Variants in ARHGAP8 observed in about 807,000 individuals in gnomAD.
ARHGAP8 encodes the protein Rho GTPase activating protein 8.
Under a neutral mutation model 46.1 loss-of-function variants are expected in ARHGAP8, and 62 were observed. The observed-to-expected ratio is 1.34, with a 90% CI of 1.10 to 1.66. The LOEUF (loss-of-function observed/expected upper bound fraction) is 1.66. Among genes scored for constraint, ARHGAP8 ranks in the 40% most tolerant of loss-of-function variants. The pLI, the probability that ARHGAP8 is intolerant of heterozygous loss-of-function variation, is 0.00. For synonymous variants in ARHGAP8, 375 were observed against 243.1 expected, an observed-to-expected ratio of 1.54 and a Z score of -5.05; for missense variants, 923 against 568.4, an observed-to-expected ratio of 1.62 and a Z score of -6.34.
chr22:44,862,547 G>A lies in ARHGAP8; in HGVS notation c.1254G>A (p.Lys418=), dbSNP rs200337395. 1.1e-5 allele frequency: 17 copies of A among 1,603,658 alleles called. No homozygotes were observed. In the South Asian group the frequency reaches 1.5e-4, roughly 15 times the overall value. Residue 418 remains lysine, a synonymous_variant, in exon 12 of 12, where the codon AAG becomes AAA. Transcript: ENST00000356099. ...GGACACAAGCCACGGGCCTCACCAA[G>A]CCTACCCTACCTCCGAGTCCCCTGA... is the stretch of plus-strand genomic sequence containing the variant. ...VPRTQATGLT[K]PTLPPSPLMA...
intron 10 of ARHGAP8, among the ~76,000 whole-genome samples, chr22:44,859,115 T>C (rs972026997): frequency 9.2e-5 from 14 of 152,158 alleles, no homozygotes; most frequent in Middle Eastern, 3.2e-3. Flanking sequence ...GATTCGGCTT[T>C]AGCAGCTTCC....
At chr22:44,823,086 G>A (rs1364112918) in intron 6 of ARHGAP8, among the ~76,000 whole-genome samples, 3 of 152,242 alleles carry the variant, frequency 2.0e-5, no homozygotes, top group African/African-American at 7.2e-5. Flanking sequence ...GCAGGCCCTT[G>A]CCAAAGTACG....
At chr22:44,822,270 G>T (rs1299971537) in intron 5 of ARHGAP8, 101 bp from the exon 6 acceptor site, 1 of 927,228 alleles carries the variant, frequency 1.1e-6, no homozygotes, top group Non-Finnish European at 1.6e-6. Context: ...TATGAAAAAT[G>T]CCTGCATTGT....
At chr22:44,816,146 C>T (rs1271095831) in intron 5 of ARHGAP8, among the ~76,000 whole-genome samples, 1 of 115,312 alleles carries the variant, frequency 8.7e-6, no homozygotes, top group African/African-American at 3.3e-5. Context: ...TCGGCTCCTT[C>T]CACTTGTTGA....
rs376762839 is a variant in ARHGAP8, at chr22:44,792,904, A to T, written c.79+6298A>T. On this transcript the variant is annotated intron_variant, in intron 2 of 11. Coordinates refer to ENST00000356099, the MANE Select transcript of ARHGAP8 (RefSeq NM_181335.3). ...AGTGGCGCAATCTCGGCTCACTGCA[A>T]CTTCTGCCTCCCAGGTTCAAGTGAT... Among the ~76,000 whole-genome samples, 300 of 151,850 alleles carry T rather than the reference A, an allele frequency of 2.0e-3. 2 individuals carry two copies. Among genetic ancestry groups the T allele is most frequent in the African/African-American group, 6.5e-3 (268 of 41,422 alleles).
At position 44,825,482 on chromosome 22, in the gene ARHGAP8, G is replaced by T. The variant is rs752551284; in HGVS notation, c.486-1G>T. The T allele has an allele frequency of 6.2e-7, 1 of 1,612,908 alleles. No homozygotes were observed. Among genetic ancestry groups the T allele is most frequent in the Non-Finnish European group, 8.5e-7 (1 of 1,179,552 alleles). On this transcript the variant is annotated splice_acceptor_variant, in intron 6 of 11. Coordinates refer to ENST00000356099, the MANE Select transcript of ARHGAP8 (RefSeq NM_181335.3). LOFTEE classifies it high-confidence loss of function. ...GATCCCAGCCTCTGTTGTGTCTACA[G>T]GTACGATGAGAAGCTCCAGAGCCTG...
chr22:44,817,722 G>A (rs1929853478), intron 5 of ARHGAP8, among the ~76,000 whole-genome samples: 2 of 152,218 alleles, frequency 1.3e-5, no homozygotes, highest in African/African-American at 4.8e-5. Context: ...GAGAATTGAG[G>A]CTTGAACCCA....
chr22:44,754,483 G>A (rs1924512254), intron 1 of ARHGAP8, among the ~76,000 whole-genome samples: 1 of 152,016 alleles, frequency 6.6e-6, no homozygotes, highest in African/African-American at 2.4e-5. Context: ...AGCATCCAGA[G>A]TAGCTAGGAT....
chr22:44,757,126 G>A (rs1924746085), intron 1 of ARHGAP8, among the ~76,000 whole-genome samples: 1 of 152,052 alleles, frequency 6.6e-6, no homozygotes, highest in Admixed American at 6.6e-5. Flanking sequence ...TTGTTGCCCA[G>A]GCTGGTCTTG....
chr22:44,862,012 G>T (rs950127214), intron 11 of ARHGAP8, among the ~76,000 whole-genome samples: 1 of 152,212 alleles, frequency 6.6e-6, no homozygotes, highest in Admixed American at 6.5e-5. Context: ...TGGAAGAGGA[G>T]ATAGTGGGGG....
At chr22:44,758,622 G>C (rs132448) in intron 1 of ARHGAP8, among the ~76,000 whole-genome samples, 6 of 150,192 alleles carry the variant, frequency 4.0e-5, no homozygotes, top group Admixed American at 1.3e-4. Context: ...GTAGTGGGGA[G>C]GGGGGGAACA....
intron 5 of ARHGAP8, among the ~76,000 whole-genome samples, chr22:44,815,014 CCA>C (rs943380240): frequency 5.3e-5 from 8 of 152,180 alleles, no homozygotes; most frequent in African/African-American, 1.9e-4. Flanking sequence ...GCCTGAGCCC[CCA>C]CACTGTGTGA....
chr22:44,799,193 G>T (rs998170634), intron 2 of ARHGAP8, among the ~76,000 whole-genome samples: 1 of 152,216 alleles, frequency 6.6e-6, no homozygotes, highest in Admixed American at 6.5e-5. Flanking sequence ...ACCTTTTACT[G>T]CATTGAGCAG....
At chr22:44,832,067 T>C (rs908778038) in intron 7 of ARHGAP8, among the ~76,000 whole-genome samples, 2 of 152,138 alleles carry the variant, frequency 1.3e-5, no homozygotes. Context: ...ATCTTGAAAA[T>C]AGTAGTCTTC....
chr22:44,756,323 C>T (rs144143232), intron 1 of ARHGAP8, among the ~76,000 whole-genome samples: 2 of 152,124 alleles, frequency 1.3e-5, no homozygotes, highest in South Asian at 2.1e-4. Context: ...AAAGGTTGAC[C>T]CCGTGTGGCA....
chr22:44,772,678 T>C (rs1484793085), intron 1 of ARHGAP8, among the ~76,000 whole-genome samples: 2 of 152,152 alleles, frequency 1.3e-5, no homozygotes, highest in African/African-American at 4.8e-5. Flanking sequence ...AGGGTAATGC[T>C]GGCCCCATAA....
chr22:44,849,198 G>A, intron 10 of ARHGAP8, 138 bp downstream of exon 10: 1 of 1,491,310 alleles, frequency 6.7e-7, no homozygotes, highest in East Asian at 2.3e-5. Context: ...GGCACTGCAG[G>A]GCAAGAGAGG....
chr22:44,808,257 C>T, intron 3 of ARHGAP8, 50 bp from the exon 4 acceptor site: 1 of 1,585,158 alleles, frequency 6.3e-7, no homozygotes, highest in Non-Finnish European at 8.6e-7. Flanking sequence ...CGTTTGGTTT[C>T]AATAATGAGT....
intron 1 of ARHGAP8, among the ~76,000 whole-genome samples, chr22:44,771,315 C>T (rs1486180851): frequency 2.9e-5 from 4 of 139,094 alleles, no homozygotes; most frequent in Admixed American, 1.6e-4. Flanking sequence ...GCCATGATCT[C>T]GGCTCACTGC....
Sources: allele counts gnomAD v4.1 joint callset (sites outside exome capture counted in the v4.1 genomes callset), GRCh38; gene constraint gnomAD v4.1.1; transcripts MANE v1.5; gene names NCBI Gene and HGNC (gene_info 2026-07-23, HGNC 2026-07-21).